Variants in LRRC53 observed in about 807,000 individuals in gnomAD.
LRRC53 encodes leucine rich repeat containing 53.
Under a neutral mutation model 13.6 loss-of-function variants are expected in LRRC53, and 25 were observed. That is an observed-to-expected ratio of 1.83 (90% confidence interval 1.34 to 2.56). The LOEUF (loss-of-function observed/expected upper bound fraction) is 2.56, where lower values mean the gene tolerates loss of function less well. LRRC53 is among the 30% of genes most tolerant of loss of function. The pLI is 0.00. For synonymous variants in LRRC53, 204 were observed against 109.8 expected (o/e 1.86, Z -5.37); for missense variants, 527 against 275.8 (o/e 1.91, Z -6.45).
the LRRC53 span, among the ~76,000 whole-genome samples, chr1:74,531,658 A>G: frequency 6.6e-6 from 1 of 152,218 alleles, no homozygotes; most frequent in African/African-American, 2.4e-5. Context: ...TAGGCATTTC[A>G]GCAAGCTGTT....
the LRRC53 span, among the ~76,000 whole-genome samples, chr1:74,518,542 C>T: frequency 6.6e-6 from 1 of 152,164 alleles, no homozygotes; most frequent in Non-Finnish European, 1.5e-5. Context: ...ATGGTTCCCA[C>T]TGCTTACAGA....
intron 1 of LRRC53, among the ~76,000 whole-genome samples, chr1:74,509,473 A>C (rs1168819316): frequency 6.6e-6 from 1 of 152,254 alleles, no homozygotes; most frequent in Non-Finnish European, 1.5e-5. Flanking sequence ...TTGGTTTTAC[A>C]CAAATGAATG....
chr1:74,518,654 T>A, the LRRC53 span, among the ~76,000 whole-genome samples: 1 of 152,196 alleles, frequency 6.6e-6, no homozygotes, highest in Non-Finnish European at 1.5e-5. Context: ...TCATAATGCA[T>A]CGCTAATAGT....
At chr1:74,492,179 C>A (rs1669113163) in intron 1 of LRRC53, 2 of 1,613,282 alleles carry the variant, frequency 1.2e-6, no homozygotes, top group Non-Finnish European at 1.7e-6. Flanking sequence ...CGGGGAGGAC[C>A]TGGCCGGAGT....
At chr1:74,499,138 A>T (rs1669480581) in intron 1 of LRRC53, among the ~76,000 whole-genome samples, 1 of 152,184 alleles carries the variant, frequency 6.6e-6, no homozygotes, top group Non-Finnish European at 1.5e-5. Flanking sequence ...GACAACCAGC[A>T]TGCATTTCCC....
intron 1 of LRRC53, 70 bp from the exon 2 acceptor site, chr1:74,483,445 A>G (rs1465379219): frequency 6.2e-6 from 4 of 647,332 alleles, no homozygotes; most frequent in Admixed American, 4.5e-5. Context: ...CTGTACATAC[A>G]GGTCATGAGG....
intron 1 of LRRC53, among the ~76,000 whole-genome samples, chr1:74,507,226 C>CCA (rs1669951972): frequency 3.7e-5 from 5 of 135,936 alleles, no homozygotes; most frequent in Admixed American, 1.5e-4. Flanking sequence ...TTTCTTCACC[C>CCA]CCCCCCCATC....
intron 3 of LRRC53, among the ~76,000 whole-genome samples, chr1:74,479,144 GTCTC>G (rs1040398986): frequency 3.7e-4 from 57 of 152,120 alleles, no homozygotes; most frequent in African/African-American, 1.3e-3. Context: ...TTGGTCTCTG[GTCTC>G]TCTCTCTTTC....
chr1:74,506,702 C>G (rs1034857841), intron 1 of LRRC53, among the ~76,000 whole-genome samples: 1 of 152,156 alleles, frequency 6.6e-6, no homozygotes, highest in East Asian at 1.9e-4. Flanking sequence ...TTTTAACAGG[C>G]GACTTGCAAA....
Position 74,480,634 on chromosome 1 carries a change from A to T in LRRC53, c.423T>A (p.Asn141Lys), listed in dbSNP as rs1379640972. The change falls in exon 3 of 5, where the codon AAT becomes AAA. Residue 141 changes from asparagine to lysine, a missense_variant. Transcript: ENST00000294635. ...AACTGTCTGTGAGATTAGTAATCTG[A>T]TTCCCATCCAGCTGGAGCCGGGTCA... ...SGLTRLQLDG[N>K]QITNLTDSSF... 2 of 717,256 alleles carry T rather than the reference A, an allele frequency of 2.8e-6. No homozygotes were observed. Among genetic ancestry groups the T allele is most frequent in the East Asian group, 5.4e-5 (2 of 37,286 alleles). 44.4% of individuals were successfully genotyped at this position (717,256 alleles called of 1,614,324 possible).
At chr1:74,488,041 A>G (rs1035947420) in intron 1 of LRRC53, among the ~76,000 whole-genome samples, 5 of 152,198 alleles carry the variant, frequency 3.3e-5, no homozygotes, top group African/African-American at 1.2e-4. Flanking sequence ...AGGAACCCAG[A>G]GGTCAGGCTA....
At chr1:74,518,074 C>T in the LRRC53 span, among the ~76,000 whole-genome samples, 3 of 152,088 alleles carry the variant, frequency 2.0e-5, no homozygotes, top group African/African-American at 4.8e-5. Context: ...ATAGGGCAGC[C>T]GTGTGCAGGT....
chr1:74,522,558 G>T, the LRRC53 span, among the ~76,000 whole-genome samples: 5 of 152,004 alleles, frequency 3.3e-5, no homozygotes, highest in Non-Finnish European at 7.4e-5. Context: ...TTAAAAAGTA[G>T]CATGAAAAAG....
intron 1 of LRRC53, among the ~76,000 whole-genome samples, chr1:74,512,255 G>T (rs1030508340): frequency 5.3e-5 from 8 of 152,258 alleles, no homozygotes; most frequent in African/African-American, 1.9e-4. Flanking sequence ...GGGATAATAT[G>T]GTAATCTAGA....
At chr1:74,486,155 G>A (rs892576502) in intron 1 of LRRC53, among the ~76,000 whole-genome samples, 10 of 150,260 alleles carry the variant, frequency 6.7e-5, no homozygotes, top group Admixed American at 5.4e-4. Flanking sequence ...AATTTTAATT[G>A]TTTCCTAAAA....
At chr1:74,491,882 C>T (rs912521271) in intron 1 of LRRC53, among the ~76,000 whole-genome samples, 3 of 152,064 alleles carry the variant, frequency 2.0e-5, no homozygotes, top group Non-Finnish European at 4.4e-5. Flanking sequence ...TTTAACAGGC[C>T]AGCTCTCAGC....
chr1:74,495,018 A>G (rs901283449), intron 1 of LRRC53, among the ~76,000 whole-genome samples: 2 of 152,220 alleles, frequency 1.3e-5, no homozygotes, highest in African/African-American at 2.4e-5. Context: ...AGAGATGTAT[A>G]CCACTACTAA....
At chr1:74,510,214 A>G (rs1670114688) in intron 1 of LRRC53, among the ~76,000 whole-genome samples, 1 of 152,154 alleles carries the variant, frequency 6.6e-6, no homozygotes. Flanking sequence ...TCACCTTTTA[A>G]AAAGATCTGA....
Position 74,480,306 on chromosome 1 carries a change from A to G in LRRC53, c.751T>C (p.Ser251Pro). Reference sequence around the variant, plus strand: ...TGTGCAGCTGCCACAGCTGCGGTAGATGGCTGGCAATTTAGGTCCTTGGCA... The same window carrying G: ...TGTGCAGCTGCCACAGCTGCGGTAGGTGGCTGGCAATTTAGGTCCTTGGCA... ...RNAKDLNCQP[S>P]TAAVAAAQSV... Residue 251 changes from serine to proline, a missense_variant, in exon 3 of 5, where the codon TCT becomes CCT. Physicochemically the swap from Ser to Pro is moderately conservative, Grantham distance 74 (BLOSUM62 -1). Transcript: ENST00000294635. 1.4e-6 allele frequency: 1 copy of G among 717,772 alleles called. No homozygotes were observed. The highest frequency in any genetic ancestry group is 1.5e-5 in the South Asian group (1 of 67,600). The allele number at this position is 717,772 out of a possible 1,614,324, so 44.5% of individuals were successfully genotyped here.
Sources: gnomAD v4.1 joint callset for allele counts (sites outside exome capture counted in the v4.1 genomes callset) on GRCh38, gnomAD v4.1.1 for gene constraint, MANE v1.5 for transcripts, NCBI Gene and HGNC (gene_info 2026-07-23, HGNC 2026-07-21) for gene names.